Variants in PARD3 observed in about 807,000 individuals in gnomAD.
PARD3 encodes par-3 family cell polarity regulator.
A neutral mutation model predicts 155.4 loss-of-function variants in PARD3; 75 were observed. That is an observed-to-expected ratio of 0.48 (90% CI 0.40 to 0.58). PARD3 has a LOEUF of 0.58. Among genes scored for constraint, PARD3 ranks in the 20% least tolerant of loss-of-function variants. The pLI is 0.00. For synonymous variants in PARD3, 576 were observed against 610.5 expected (o/e 0.94, Z 0.83); for missense variants, 1,642 against 1,721.7 (o/e 0.95, Z 0.82).
At chr10:34,208,463 C>A (rs1039310202) in intron 22 of PARD3, among the ~76,000 whole-genome samples, 1 of 152,206 alleles carries the variant, frequency 6.6e-6, no homozygotes, top group Non-Finnish European at 1.5e-5. Flanking sequence ...TCTTATGAAT[C>A]CTTGCCAGGA....
intron 7 of PARD3, among the ~76,000 whole-genome samples, chr10:34,385,128 T>G (rs1039217223): frequency 5.3e-5 from 8 of 152,170 alleles, no homozygotes; most frequent in African/African-American, 1.9e-4. Flanking sequence ...TTTTATTTTT[T>G]TAGTCTTATT....
intron 19 of PARD3, among the ~76,000 whole-genome samples, chr10:34,320,373 G>T (rs922790625): frequency 3.3e-5 from 5 of 152,138 alleles, no homozygotes; most frequent in African/African-American, 1.2e-4. Context: ...TCATTTAATA[G>T]ATTTTACGAC....
chr10:34,810,570 T>A (rs992488288), intron 1 of PARD3, among the ~76,000 whole-genome samples: 1 of 152,208 alleles, frequency 6.6e-6, no homozygotes, highest in Non-Finnish European at 1.5e-5. Flanking sequence ...CACACAATTT[T>A]GTTCTCCTGA....
chr10:34,554,660 A>G (rs1459237003), intron 2 of PARD3, among the ~76,000 whole-genome samples: 1 of 152,250 alleles, frequency 6.6e-6, no homozygotes, highest in Non-Finnish European at 1.5e-5. Context: ...AATACTAGTT[A>G]CAATTAAGGC....
intron 20 of PARD3, among the ~76,000 whole-genome samples, chr10:34,294,733 C>T (rs565170284): frequency 6.6e-6 from 1 of 152,236 alleles, no homozygotes; most frequent in South Asian, 2.1e-4. Context: ...GGAAACTAAA[C>T]CTAATTCTTA....
At chr10:34,679,201 C>T (rs958261534) in intron 2 of PARD3, among the ~76,000 whole-genome samples, 1 of 152,152 alleles carries the variant, frequency 6.6e-6, no homozygotes, top group Non-Finnish European at 1.5e-5. Context: ...CATTCCACCA[C>T]CTAAGTAACC....
intron 18 of PARD3, 150 bp from the exon 19 acceptor site, chr10:34,331,494 GTAA>G: frequency 3.7e-6 from 2 of 539,146 alleles, no homozygotes; most frequent in South Asian, 5.8e-5. Flanking sequence ...AATAAATGAA[GTAA>G]TAGTTGCTAA....
intron 2 of PARD3, among the ~76,000 whole-genome samples, chr10:34,522,768 AAC>A (rs2082231629): frequency 6.6e-6 from 1 of 152,210 alleles, no homozygotes; most frequent in Admixed American, 6.5e-5. Flanking sequence ...GCCCCACAGA[AAC>A]ACAAAGTCGT....
chr10:34,663,688 T>A (rs2133171698), intron 2 of PARD3, among the ~76,000 whole-genome samples: 1 of 152,284 alleles, frequency 6.6e-6, no homozygotes, highest in Middle Eastern at 3.4e-3. Context: ...GGCACCCTGT[T>A]TATGCTTCAG....
intron 2 of PARD3, among the ~76,000 whole-genome samples, chr10:34,649,804 G>A (rs1281726879): frequency 2.6e-5 from 4 of 151,966 alleles, no homozygotes; most frequent in African/African-American, 9.7e-5. Context: ...AATAACACTT[G>A]GCTTAAACAC....
At chr10:34,800,693 T>C (rs1842765930) in intron 1 of PARD3, among the ~76,000 whole-genome samples, 1 of 152,162 alleles carries the variant, frequency 6.6e-6, no homozygotes, top group African/African-American at 2.4e-5. Context: ...CCTTGCTGTC[T>C]GAGACTCCTT....
intron 3 of PARD3, among the ~76,000 whole-genome samples, chr10:34,509,810 AG>A (rs1402467980): frequency 6.6e-6 from 1 of 152,140 alleles, no homozygotes; most frequent in African/African-American, 2.4e-5. Context: ...ACAAAAAAAA[AG>A]CATCACCTGT....
At chr10:34,784,497 T>C (rs1391444478) in intron 1 of PARD3, among the ~76,000 whole-genome samples, 1 of 151,738 alleles carries the variant, frequency 6.6e-6, no homozygotes, top group African/African-American at 2.4e-5. Context: ...TGGAGTGCAG[T>C]GGTGTAATCT....
Position 34,399,323 on chromosome 10 carries a change from A to T in PARD3, c.890+7T>A. The T allele has an allele frequency of 6.4e-7, 1 of 1,566,018 alleles. No individual in the cohort carries two copies. The highest frequency in any genetic ancestry group is 1.1e-5 in the South Asian group (1 of 90,162). On this transcript the variant is annotated splice_region_variant and intron_variant, in intron 7 of 24. Transcript: ENST00000374788. ...TGATTCAATTAAAAACCTCCAAGATACGTTACCTGCCGCCTCGAGCACTGA... is the reference window on the plus strand; with the variant it reads ...TGATTCAATTAAAAACCTCCAAGATTCGTTACCTGCCGCCTCGAGCACTGA...
chr10:34,612,865 A>G (rs1443052959), intron 2 of PARD3, among the ~76,000 whole-genome samples: 3 of 152,236 alleles, frequency 2.0e-5, no homozygotes, highest in Non-Finnish European at 4.4e-5. Flanking sequence ...ACTGGAAAAC[A>G]GCTGAAGAGG....
intron 2 of PARD3, among the ~76,000 whole-genome samples, chr10:34,556,298 CAAAT>C (rs1036069593): frequency 3.9e-5 from 6 of 151,992 alleles, no homozygotes; most frequent in Non-Finnish European, 8.8e-5. Context: ...TCAAGAAACT[CAAAT>C]GAATATAGTG....
intron 2 of PARD3, among the ~76,000 whole-genome samples, chr10:34,661,733 A>G (rs914669156): frequency 6.6e-6 from 1 of 152,224 alleles, no homozygotes; most frequent in African/African-American, 2.4e-5. Context: ...TTAAAGAATC[A>G]CAAAGATCAG....
chr10:34,571,169 G>A (rs1190388197), intron 2 of PARD3, among the ~76,000 whole-genome samples: 2 of 152,180 alleles, frequency 1.3e-5, no homozygotes, highest in African/African-American at 2.4e-5. Flanking sequence ...AAAATTAGCT[G>A]GGGGTAGTAG....
intron 4 of PARD3, among the ~76,000 whole-genome samples, chr10:34,455,521 C>T (rs1409325823): frequency 2.6e-5 from 4 of 151,804 alleles, no homozygotes; most frequent in East Asian, 3.9e-4. Context: ...GAGACAGTCT[C>T]GCTCTGTTGC....
Sources: allele counts gnomAD v4.1 joint callset (sites outside exome capture counted in the v4.1 genomes callset), GRCh38; gene constraint gnomAD v4.1.1; transcripts MANE v1.5; gene names NCBI Gene and HGNC (gene_info 2026-07-23, HGNC 2026-07-21).